PDE3B: variants seen among roughly 807,000 people sequenced by gnomAD.
The protein encoded by PDE3B is cGMP-inhibited 3',5'-cyclic phosphodiesterase 3B.
Under a neutral mutation model 116.8 loss-of-function variants are expected in PDE3B, and 66 were observed. The observed-to-expected ratio is 0.56, with a 90% confidence interval of 0.46 to 0.69. The LOEUF is 0.69. Among genes scored for constraint, PDE3B ranks in the 30% least tolerant of loss-of-function variants. The pLI, the probability that PDE3B is intolerant of heterozygous loss-of-function variation, is 0.00. For synonymous variants in PDE3B, 595 were observed against 533.6 expected, an observed-to-expected ratio of 1.12 and a Z score of -1.59; for missense variants, 1,384 against 1,368.1, an observed-to-expected ratio of 1.01 and a Z score of -0.18.
At chr11:14,805,165 A>T (rs1833388750) in intron 5 of PDE3B, among the ~76,000 whole-genome samples, 1 of 152,324 alleles carries the variant, frequency 6.6e-6, no homozygotes, top group Admixed American at 6.5e-5. Context: ...CCCAAGCAGG[A>T]TAAATACAAG....
At chr11:14,888,215 G>A in the PDE3B span, among the ~76,000 whole-genome samples, 9 of 152,048 alleles carry the variant, frequency 5.9e-5, no homozygotes. Context: ...TAATTTACTT[G>A]TGTTTATATT....
chr11:14,658,601 C>A (rs1406258682), intron 1 of PDE3B, among the ~76,000 whole-genome samples: 1 of 152,110 alleles, frequency 6.6e-6, no homozygotes, highest in Non-Finnish European at 1.5e-5. Context: ...GTGATCCGCC[C>A]GCCTCGGCCT....
At chr11:14,878,836 GTTACTGAATTCTCATTCCACAAGTT>G in the PDE3B span, among the ~76,000 whole-genome samples, 10 of 152,028 alleles carry the variant, frequency 6.6e-5, no homozygotes, top group Non-Finnish European at 1.5e-4. Context: ...CAAGCTACCT[GTTACTGAATTCTCATTCCACAAGTT>G]TTGAAAAACA....
chr11:14,747,120 C>T (rs1856930506), intron 1 of PDE3B, among the ~76,000 whole-genome samples: 1 of 152,082 alleles, frequency 6.6e-6, no homozygotes, highest in South Asian at 2.1e-4. Flanking sequence ...CTCTTTTAAA[C>T]AACACAATCT....
chr11:14,692,620 C>T (rs181887169), intron 1 of PDE3B, among the ~76,000 whole-genome samples: 1 of 152,128 alleles, frequency 6.6e-6, no homozygotes, highest in East Asian at 1.9e-4. Flanking sequence ...TTTGATGTTA[C>T]TACTGTAATT....
chr11:14,800,662 T>G (rs565390992), intron 4 of PDE3B, among the ~76,000 whole-genome samples: 16 of 152,168 alleles, frequency 1.1e-4, no homozygotes, highest in African/African-American at 3.9e-4. Flanking sequence ...AGGAATATCA[T>G]TGTGGTATTC....
chr11:14,818,520 TAATGA>T (rs1393865276), intron 6 of PDE3B, 127 bp downstream of exon 6: 1 of 629,220 alleles, frequency 1.6e-6, no homozygotes, highest in African/African-American at 1.8e-5. Context: ...TTCGGTGTTA[TAATGA>T]AATGACATTA....
the PDE3B span, chr11:14,885,964 A>T: frequency 3.2e-6 from 5 of 1,582,388 alleles, no homozygotes; most frequent in Non-Finnish European, 4.3e-6. Context: ...GCATGTATGG[A>T]GAAATATAAC....
intron 2 of PDE3B, among the ~76,000 whole-genome samples, chr11:14,785,773 T>G (rs1483517605): frequency 6.6e-6 from 1 of 152,082 alleles, no homozygotes; most frequent in African/African-American, 2.4e-5. Context: ...GAGGTTTTTG[T>G]TAATTATTCA....
At chr11:14,648,640 T>G (rs888932358) in intron 1 of PDE3B, among the ~76,000 whole-genome samples, 8 of 152,272 alleles carry the variant, frequency 5.3e-5, no homozygotes, top group Non-Finnish European at 1.2e-4. Context: ...AACACAGATT[T>G]GATAGAGTCA....
At chr11:14,653,748 C>G (rs1317914741) in intron 1 of PDE3B, among the ~76,000 whole-genome samples, 2 of 152,080 alleles carry the variant, frequency 1.3e-5, no homozygotes, top group Non-Finnish European at 2.9e-5. Context: ...CTTGTAATCT[C>G]AGCACTTTGG....
rs1481219583 is a variant in PDE3B at position 14,764,895 on chromosome 11, C to T, written c.979-7042C>T. ...CCCCACACTTTTTTTTTCTGCTTCT[C>T]AGTTTTTCTGAATAGGGTTATTTCT... On this transcript the variant is annotated intron_variant, in intron 1 of 15. Transcript: ENST00000282096. Among the ~76,000 whole-genome samples, 17 of 150,108 alleles carry T rather than the reference C, an allele frequency of 1.1e-4. No individual in the cohort carries two copies. In the Admixed American group the frequency reaches 1.1e-3, roughly 10 times the overall value.
intron 7 of PDE3B, among the ~76,000 whole-genome samples, chr11:14,824,778 A>G (rs1859635632): frequency 6.6e-6 from 1 of 152,230 alleles, no homozygotes; most frequent in Non-Finnish European, 1.5e-5. Context: ...CAGGAAATAC[A>G]GAGAACTCGT....
Position 14,869,164 on chromosome 11 carries a change from C to A in PDE3B, c.3140-297C>A, listed in dbSNP as rs111989541. 2.7e-3 allele frequency among the ~76,000 whole-genome samples: 411 copies of A among 152,246 alleles called. 1 individual carries two copies. Among genetic ancestry groups the A allele is most frequent in the African/African-American group, 9.0e-3 (373 of 41,546 alleles). ...CTTCTTCCCTCTCCACCATACCCAG[C>A]CAGTTTTCCCTAAACCTCTTCTCTA... On this transcript the variant is annotated intron_variant, in intron 15 of 15. Coordinates refer to ENST00000282096, the MANE Select transcript of PDE3B (RefSeq NM_000922.4).
intron 1 of PDE3B, among the ~76,000 whole-genome samples, chr11:14,750,234 C>T (rs1020331042): frequency 2.6e-5 from 4 of 151,936 alleles, no homozygotes; most frequent in African/African-American, 9.7e-5. Flanking sequence ...TAGATACATA[C>T]AGAATAGAAT....
At chr11:14,819,430 T>G (rs1402734674) in intron 7 of PDE3B, among the ~76,000 whole-genome samples, 1 of 152,196 alleles carries the variant, frequency 6.6e-6, no homozygotes. Flanking sequence ...ATGAATGTAG[T>G]CTTCTTAGGT....
At chr11:14,779,631 C>T (rs1857910298) in intron 2 of PDE3B, among the ~76,000 whole-genome samples, 1 of 152,124 alleles carries the variant, frequency 6.6e-6, no homozygotes, top group Admixed American at 6.5e-5. Flanking sequence ...GAGATTTTGT[C>T]ACCACCAGGC....
Position 14,667,673 on chromosome 11 carries a change from C to G in PDE3B, c.978+22620C>G, listed in dbSNP as rs183028233. ...TGGACACAGGAAGGGGAACATGACA[C>G]AACGGGGACTGTTGTGGGGTTGGGG... On this transcript the variant is annotated intron_variant, in intron 1 of 15. Transcript: ENST00000282096. Among the ~76,000 whole-genome samples the G allele has an allele frequency of 1.3e-4, 19 of 148,644 alleles. No homozygotes were observed. In the East Asian group the frequency reaches 3.6e-3, roughly 28 times the overall value.
chr11:14,760,782 TA>T (rs1471528558), intron 1 of PDE3B, among the ~76,000 whole-genome samples: 2 of 152,126 alleles, frequency 1.3e-5, no homozygotes, highest in Non-Finnish European at 2.9e-5. Context: ...TTTGGAACAT[TA>T]AAAAAATTGA....
Sources: allele counts gnomAD v4.1 joint callset (sites outside exome capture counted in the v4.1 genomes callset), GRCh38; gene constraint gnomAD v4.1.1; transcripts MANE v1.5; gene names NCBI Gene and HGNC (gene_info 2026-07-23, HGNC 2026-07-21).